Variants in STK3 observed in about 807,000 individuals in gnomAD.
STK3 encodes serine/threonine kinase 3.
A neutral mutation model predicts 58.0 loss-of-function variants in STK3; 41 were observed. That is an observed-to-expected ratio of 0.71 (90% CI 0.55 to 0.92). The LOEUF (loss-of-function observed/expected upper bound fraction) is 0.92. STK3 is among the 40% of genes least tolerant of loss of function. STK3 has a pLI of 0.00. For synonymous variants in STK3, 170 were observed against 191.0 expected (o/e 0.89, Z 0.91); for missense variants, 479 against 602.7 (o/e 0.79, Z 2.15).
At chr8:98,698,189 T>C (rs1034551866) in intron 6 of STK3, among the ~76,000 whole-genome samples, 6 of 151,702 alleles carry the variant, frequency 4.0e-5, no homozygotes, top group African/African-American at 1.5e-4. Flanking sequence ...TTGCAACCCC[T>C]GCCTTTTTTT....
chr8:98,516,448 T>C (rs2131430357), intron 10 of STK3, among the ~76,000 whole-genome samples: 1 of 152,194 alleles, frequency 6.6e-6, no homozygotes, highest in Middle Eastern at 3.4e-3. Context: ...TTCAGTTATT[T>C]GAAGAATATT....
intron 6 of STK3, among the ~76,000 whole-genome samples, chr8:98,605,874 G>C (rs1816736237): frequency 6.6e-6 from 1 of 152,086 alleles, no homozygotes; most frequent in Non-Finnish European, 1.5e-5. Context: ...CATAAGATGT[G>C]GTTGTTAAAA....
At chr8:98,866,686 TG>T (rs2131863640) in intron 3 of STK3, among the ~76,000 whole-genome samples, 1 of 152,246 alleles carries the variant, frequency 6.6e-6, no homozygotes, top group South Asian at 2.1e-4. Flanking sequence ...AGAGGTTCAT[TG>T]GGAAGTGATC....
At chr8:98,713,771 A>G (rs1338518922) in intron 4 of STK3, among the ~76,000 whole-genome samples, 1 of 152,168 alleles carries the variant, frequency 6.6e-6, no homozygotes, top group East Asian at 1.9e-4. Context: ...TCCCTAACTC[A>G]TTTTATGAGG....
intron 6 of STK3, among the ~76,000 whole-genome samples, chr8:98,673,297 C>T (rs781506025): frequency 3.3e-5 from 5 of 152,118 alleles, no homozygotes; most frequent in African/African-American, 7.2e-5. Flanking sequence ...CCTGGTTCTA[C>T]CAATTACTAG....
At chr8:98,915,082 G>C (rs1160568994) in intron 1 of STK3, among the ~76,000 whole-genome samples, 5 of 152,102 alleles carry the variant, frequency 3.3e-5, no homozygotes, top group Non-Finnish European at 5.9e-5. Flanking sequence ...TTAATACTAA[G>C]TGTTAACTTG....
At chr8:98,388,609 G>A (rs769575387), upstream of STK3, among the ~76,000 whole-genome samples, 16 of 152,206 alleles carry the variant, frequency 1.1e-4, no homozygotes, top group Non-Finnish European at 1.9e-4. Context: ...CTATTGGGAT[G>A]AAGTCTGTAA....
At chr8:98,823,921 T>G (rs1835073416) in intron 1 of STK3, among the ~76,000 whole-genome samples, 3 of 152,216 alleles carry the variant, frequency 2.0e-5, no homozygotes, top group Non-Finnish European at 4.4e-5. Flanking sequence ...TATTTCATTA[T>G]TAGGAGATAA....
At chr8:98,901,159 C>T (rs1292123724) in intron 1 of STK3, among the ~76,000 whole-genome samples, 1 of 152,160 alleles carries the variant, frequency 6.6e-6, no homozygotes, top group Non-Finnish European at 1.5e-5. Context: ...TCCTCAGCTC[C>T]ACCACTTATC....
At chr8:98,371,041 A>G (rs1213231385), downstream of STK3, among the ~76,000 whole-genome samples, 1 of 152,236 alleles carries the variant, frequency 6.6e-6, no homozygotes, top group African/African-American at 2.4e-5. Context: ...ACTGGACCCA[A>G]AATGTTCCTA....
intron 4 of STK3, among the ~76,000 whole-genome samples, chr8:98,741,873 A>G (rs1285218431): frequency 6.6e-6 from 1 of 152,184 alleles, no homozygotes; most frequent in African/African-American, 2.4e-5. Context: ...AATCAAATAG[A>G]AGCAATAAAA....
chr8:98,620,866 T>C (rs1818239183), intron 6 of STK3, among the ~76,000 whole-genome samples: 1 of 152,090 alleles, frequency 6.6e-6, no homozygotes, highest in Non-Finnish European at 1.5e-5. Flanking sequence ...GTAAATGGTA[T>C]TGCATTTTTA....
intron 3 of STK3, among the ~76,000 whole-genome samples, chr8:98,765,552 G>A (rs1397431372): frequency 6.6e-6 from 1 of 152,146 alleles, no homozygotes; most frequent in Non-Finnish European, 1.5e-5. Flanking sequence ...TAAGTCACAC[G>A]AGACAATTTT....
At chr8:98,508,785 T>C (rs941578713) in intron 10 of STK3, among the ~76,000 whole-genome samples, 1 of 152,164 alleles carries the variant, frequency 6.6e-6, no homozygotes, top group African/African-American at 2.4e-5. Context: ...GACTAACAAT[T>C]ACTATCACAA....
intron 1 of STK3, among the ~76,000 whole-genome samples, chr8:98,821,149 C>T (rs1010915360): frequency 5.3e-5 from 8 of 152,130 alleles, no homozygotes; most frequent in South Asian, 2.1e-4. Flanking sequence ...GTGAGCTATA[C>T]GCGAGCATTA....
At chr8:98,829,564 A>C (rs568384045), upstream of STK3, among the ~76,000 whole-genome samples, 12 of 152,342 alleles carry the variant, frequency 7.9e-5, no homozygotes, top group African/African-American at 2.6e-4. Flanking sequence ...CCCTGAAAAC[A>C]ACCTTGTGAA....
chr8:98,770,004 G>A (rs1218092645), intron 2 of STK3, among the ~76,000 whole-genome samples: 1 of 152,184 alleles, frequency 6.6e-6, no homozygotes, highest in Non-Finnish European at 1.5e-5. Flanking sequence ...GGTCTGTTAT[G>A]TTAAAGTTAA....
intron 10 of STK3, among the ~76,000 whole-genome samples, chr8:98,488,189 C>T (rs189357163): frequency 6.6e-6 from 1 of 152,288 alleles, no homozygotes; most frequent in Admixed American, 6.5e-5. Flanking sequence ...ATGGCTTTTC[C>T]AGATAACCTG....
intron 10 of STK3, among the ~76,000 whole-genome samples, chr8:98,480,548 CA>C (rs1033455932): frequency 6.6e-6 from 1 of 151,456 alleles, no homozygotes; most frequent in African/African-American, 2.4e-5. Context: ...AGTATGATTT[CA>C]AAAAAAACAA....
Sources: allele counts gnomAD v4.1 joint callset (sites outside exome capture counted in the v4.1 genomes callset), GRCh38; gene constraint gnomAD v4.1.1; transcripts MANE v1.5; gene names NCBI Gene and HGNC (gene_info 2026-07-23, HGNC 2026-07-21).